The following PDE8A variants were observed in gnomAD, a reference collection of about 807,000 sequenced individuals.
PDE8A encodes high affinity cAMP-specific and IBMX-insensitive 3',5'-cyclic phosphodiesterase 8A.
A neutral mutation model predicts 105.0 loss-of-function variants in PDE8A; 59 were observed. The observed-to-expected ratio is 0.56, with a 90% CI of 0.46 to 0.70. The LOEUF is 0.70. Among genes scored for constraint, PDE8A ranks in the 30% least tolerant of loss-of-function variants. PDE8A has a pLI of 0.00. For missense variants in PDE8A, 1,014 were observed against 1,045.9 expected (o/e 0.97, Z 0.42); for synonymous variants, 355 against 371.9 (o/e 0.95, Z 0.52).
At chr15:85,132,114 T>G (rs2082337941) in intron 20 of PDE8A, among the ~76,000 whole-genome samples, 1 of 152,202 alleles carries the variant, frequency 6.6e-6, no homozygotes, top group African/African-American at 2.4e-5. Context: ...TAGATTCATA[T>G]CTTTCCCCAG....
chr15:85,042,921 G>A lies in PDE8A; in HGVS notation c.187-21449G>A, dbSNP rs148686509. Among the ~76,000 whole-genome samples the A allele has an allele frequency of 2.0e-5, 3 of 152,214 alleles. No homozygotes were observed. The East Asian group carries it at 5.8e-4, about 29-fold the overall frequency. On this transcript the variant is annotated intron_variant, in intron 1 of 21. Transcript: ENST00000394553. ...CTCCAGAATACGGGTTATGGGAACT[G>A]TGGGTGATTCTAGATAATTCGATTG...
At chr15:85,097,132 G>T (rs1256045831) in intron 8 of PDE8A, among the ~76,000 whole-genome samples, 1 of 152,164 alleles carries the variant, frequency 6.6e-6, no homozygotes, top group Non-Finnish European at 1.5e-5. Context: ...TCAGTGTCCT[G>T]TTGTGGGTTT....
intron 1 of PDE8A, among the ~76,000 whole-genome samples, chr15:85,028,438 C>T (rs963242953): frequency 6.6e-6 from 1 of 152,112 alleles, no homozygotes; most frequent in Non-Finnish European, 1.5e-5. Context: ...TGGTCTTGAG[C>T]TCCTGGCCTC....
intron 1 of PDE8A, among the ~76,000 whole-genome samples, chr15:85,016,987 C>T (rs1212162126): frequency 6.0e-5 from 9 of 150,070 alleles, no homozygotes; most frequent in Admixed American, 1.3e-4. Flanking sequence ...CTGGGCCGGG[C>T]GCGGTGGCTC....
At chr15:85,028,742 C>T (rs183533455) in intron 1 of PDE8A, among the ~76,000 whole-genome samples, 19 of 152,046 alleles carry the variant, frequency 1.2e-4, no homozygotes, top group Admixed American at 7.2e-4. Context: ...CAAATACCTC[C>T]CACCCGACCC....
At chr15:84,986,872 A>G (rs1272001760) in intron 1 of PDE8A, among the ~76,000 whole-genome samples, 1 of 152,096 alleles carries the variant, frequency 6.6e-6, no homozygotes, top group Non-Finnish European at 1.5e-5. Flanking sequence ...GCCTCAGCCT[A>G]CCAAAGTGCT....
intron 3 of PDE8A, among the ~76,000 whole-genome samples, chr15:85,069,402 C>A (rs1156968665): frequency 6.6e-6 from 1 of 152,154 alleles, no homozygotes; most frequent in Non-Finnish European, 1.5e-5. Flanking sequence ...CAACTTTGTC[C>A]ACAGTTGGCG....
intron 1 of PDE8A, among the ~76,000 whole-genome samples, chr15:84,983,279 A>G (rs1278924770): frequency 1.3e-5 from 2 of 152,386 alleles, no homozygotes; most frequent in South Asian, 2.1e-4. Flanking sequence ...GACAACAACA[A>G]CAAAATTCGT....
intron 1 of PDE8A, among the ~76,000 whole-genome samples, chr15:85,047,803 C>G (rs1276200322): frequency 6.6e-6 from 1 of 152,198 alleles, no homozygotes; most frequent in Non-Finnish European, 1.5e-5. Flanking sequence ...TTGCCCTGAG[C>G]TATCCAGACT....
intron 1 of PDE8A, among the ~76,000 whole-genome samples, chr15:84,999,847 T>G (rs1048217929): frequency 6.6e-6 from 1 of 152,144 alleles, no homozygotes; most frequent in Non-Finnish European, 1.5e-5. Flanking sequence ...GTGCTGGGAT[T>G]ACAGGCATGA....
chr15:85,002,605 C>G (rs1033460323), intron 1 of PDE8A, among the ~76,000 whole-genome samples: 4 of 152,232 alleles, frequency 2.6e-5, no homozygotes, highest in African/African-American at 9.6e-5. Flanking sequence ...CAACCCATTT[C>G]CTCTCCACTT....
chr15:85,040,076 A>G (rs2080776174), intron 1 of PDE8A, among the ~76,000 whole-genome samples: 1 of 152,242 alleles, frequency 6.6e-6, no homozygotes, highest in African/African-American at 2.4e-5. Flanking sequence ...AAAATAGCTA[A>G]GAGATAGCAT....
intron 1 of PDE8A, among the ~76,000 whole-genome samples, chr15:85,042,172 G>GT (rs1290643838): frequency 6.6e-6 from 1 of 151,438 alleles, no homozygotes; most frequent in Non-Finnish European, 1.5e-5. Flanking sequence ...TTTGTTTTTT[G>GT]TTTTTTTGTT....
At position 85,083,632 on chromosome 15, in the gene PDE8A, A is replaced by G. The variant is rs907657454; in HGVS notation, c.623A>G (p.Gln208Arg). The change falls in exon 6 of 22, where the codon CAA (glutamine) becomes CGA (arginine). Residue 208 changes from glutamine (Q) to arginine (R), a missense_variant. By Grantham distance (43) the Gln-to-Arg change is conservative. Coordinates refer to ENST00000394553, the MANE Select transcript of PDE8A (RefSeq NM_002605.3). ...CTGGAGTTTGGAGAGGTGCGATCAC[A>G]ACTGAAACTCAGGTAATTCTACCAC... ...LQLEFGEVRSQLKLRACNSVF... is the reference protein window; with the variant it reads ...LQLEFGEVRSRLKLRACNSVF... The G allele has an allele frequency of 6.2e-7, 1 of 1,610,750 alleles. No individual in the cohort carries two copies. The highest frequency in any genetic ancestry group is 8.5e-7 in the Non-Finnish European group (1 of 1,177,008).
chr15:85,050,062 A>G (rs2080948637), intron 1 of PDE8A, among the ~76,000 whole-genome samples: 1 of 152,050 alleles, frequency 6.6e-6, no homozygotes, highest in Admixed American at 6.5e-5. Flanking sequence ...CCTACTGGTT[A>G]TTGATATTGA....
chr15:85,042,076 AT>A (rs113543416), intron 1 of PDE8A, among the ~76,000 whole-genome samples: 9,026 of 150,806 alleles, frequency 0.06, 344 homozygotes, highest in African/African-American at 0.11. Context: ...AAAGAAACCA[AT>A]TTTTTTTTTT....
intron 1 of PDE8A, among the ~76,000 whole-genome samples, chr15:85,005,435 A>G (rs1261916927): frequency 6.6e-6 from 1 of 152,176 alleles, no homozygotes; most frequent in Non-Finnish European, 1.5e-5. Flanking sequence ...GGAACTTTTA[A>G]TATTTTGAGT....
At chr15:85,089,544 G>A in intron 7 of PDE8A, 128 bp downstream of exon 7, 1 of 533,634 alleles carries the variant, frequency 1.9e-6, no homozygotes, top group South Asian at 3.0e-5. Flanking sequence ...TTTCCTTCGA[G>A]GATTATCAGA....
chr15:85,094,045 T>C (rs906304528), intron 8 of PDE8A, among the ~76,000 whole-genome samples: 2 of 152,112 alleles, frequency 1.3e-5, no homozygotes, highest in Non-Finnish European at 2.9e-5. Flanking sequence ...GCATATTTTT[T>C]AGAAATGGGG....
Sources: allele counts gnomAD v4.1 joint callset (sites outside exome capture counted in the v4.1 genomes callset), GRCh38; gene constraint gnomAD v4.1.1; transcripts MANE v1.5; gene names NCBI Gene and HGNC (gene_info 2026-07-23, HGNC 2026-07-21).